Variants in UBR2 observed in about 807,000 individuals in gnomAD.
UBR2 encodes the protein E3 ubiquitin-protein ligase UBR2.
In UBR2, 92 loss-of-function variants were observed where a neutral mutation model predicts 247.9. The observed-to-expected ratio is 0.37, with a 90% confidence interval of 0.31 to 0.44. The LOEUF (loss-of-function observed/expected upper bound fraction) is 0.44. Among genes scored for constraint, UBR2 ranks in the 20% least tolerant of loss-of-function variants. UBR2 has a pLI of 1.00. For missense variants in UBR2, 1,613 were observed against 2,112.6 expected, an observed-to-expected ratio of 0.76 and a Z score of 4.64; for synonymous variants, 672 against 693.5, an observed-to-expected ratio of 0.97 and a Z score of 0.49.
chr6:42,666,266 C>G (rs753680791), intron 34 of UBR2, 21 bp downstream of exon 34: 1 of 1,570,056 alleles, frequency 6.4e-7, no homozygotes, highest in Non-Finnish European at 8.7e-7. Flanking sequence ...TATTTTACTC[C>G]TTTAATATTT....
intron 2 of UBR2, among the ~76,000 whole-genome samples, chr6:42,579,985 G>A (rs1791774933): frequency 6.6e-6 from 1 of 151,866 alleles, no homozygotes. Context: ...TCATAGTAAG[G>A]ACAGGCCATA....
intron 2 of UBR2, among the ~76,000 whole-genome samples, chr6:42,577,938 G>T (rs1402893289): frequency 6.6e-6 from 1 of 151,616 alleles, no homozygotes; most frequent in Non-Finnish European, 1.5e-5. Context: ...GTTTGTATTG[G>T]TATATAATAA....
At position 42,645,601 on chromosome 6, in the gene UBR2, A is replaced by G; in HGVS notation, c.2409+11A>G. On this transcript the variant is annotated intron_variant, in intron 21 of 46. Coordinates refer to ENST00000372901, the MANE Select transcript of UBR2 (RefSeq NM_001363705.2). Reference sequence around the variant, plus strand: ...TCTTTACCTGAAGATGTAAGTACCTACATTTCTAAAAAGAAAACCATAGAA... The same window carrying G: ...TCTTTACCTGAAGATGTAAGTACCTGCATTTCTAAAAAGAAAACCATAGAA... 6.2e-7 allele frequency: 1 copy of G among 1,610,106 alleles called. No homozygotes were observed. Among genetic ancestry groups the G allele is most frequent in the Non-Finnish European group, 8.5e-7 (1 of 1,179,066 alleles).
chr6:42,691,365 C>A lies in UBR2; in HGVS notation c.*192C>A. 1 of 702,652 alleles carries A rather than the reference C, an allele frequency of 1.4e-6. No individual in the cohort carries two copies. The highest frequency in any genetic ancestry group is 2.3e-6 in the Non-Finnish European group (1 of 436,098). 43.5% of individuals were successfully genotyped at this position (702,652 alleles called of 1,614,324 possible). A position where few individuals can be genotyped will look rare whatever the true frequency, so the allele number is the denominator to read the frequency against. On this transcript the variant is annotated 3_prime_UTR_variant, in exon 47 of 47. Transcript: ENST00000372901. ...AGATTTTCTTGCACTGTTTGCTGTG[C>A]CCCTCAAATATAATGTCTTGGGTTT...
At chr6:42,627,886 CT>C (rs1465518492) in intron 11 of UBR2, among the ~76,000 whole-genome samples, 2 of 152,126 alleles carry the variant, frequency 1.3e-5, no homozygotes, top group African/African-American at 4.8e-5. Flanking sequence ...TTAGTTTGGC[CT>C]GCACCCAGGA....
rs777124232 is a variant in UBR2 at position 42,666,167 on chromosome 6, A to G, written c.3803A>G (p.Asn1268Ser). The change falls in exon 34 of 47, where the codon AAT (asparagine) becomes AGT (serine). Residue 1268 changes from asparagine to serine, a missense_variant and splice_region_variant. Asn to Ser is a conservative substitution (Grantham distance 46). Transcript: ENST00000372901. Reference sequence around the variant, plus strand: ...TAGTATAAAATGCCTGTTTCTATAGATAATGCCTCTACAAAGAATTCAGAA... The same window carrying G: ...TAGTATAAAATGCCTGTTTCTATAGGTAATGCCTCTACAAAGAATTCAGAA... ...QFLRKEESTP[N>S]NASTKNSENV... 7.4e-6 allele frequency: 12 copies of G among 1,611,812 alleles called. No homozygotes were observed. In the South Asian group the frequency reaches 1.2e-4, roughly 16 times the overall value.
intron 31 of UBR2, among the ~76,000 whole-genome samples, chr6:42,662,932 C>T (rs940839904): frequency 6.6e-6 from 1 of 151,614 alleles, no homozygotes; most frequent in Non-Finnish European, 1.5e-5. Flanking sequence ...AAGACTCCAT[C>T]TCAAAAACAA....
chr6:42,599,006 T>G (rs2151923255), intron 4 of UBR2, among the ~76,000 whole-genome samples: 1 of 152,288 alleles, frequency 6.6e-6, no homozygotes, highest in African/African-American at 2.4e-5. Flanking sequence ...AGGCTGGTCT[T>G]CAGCTCCTGA....
chr6:42,636,993 A>T lies in UBR2; in HGVS notation c.1675-18A>T. ...ACTCAACCTTTTGAGTAACTTACAG[A>T]AAAACCCTCTTTTTTAGGAAAAAGT... On this transcript the variant is annotated intron_variant, in intron 14 of 46. Transcript: ENST00000372901. The T allele has an allele frequency of 6.3e-7, 1 of 1,599,410 alleles. No individual in the cohort carries two copies. Among genetic ancestry groups the T allele is most frequent in the Non-Finnish European group, 8.5e-7 (1 of 1,171,434 alleles).
intron 4 of UBR2, among the ~76,000 whole-genome samples, chr6:42,596,933 C>T (rs1047022018): frequency 1.3e-5 from 2 of 152,056 alleles, no homozygotes; most frequent in Non-Finnish European, 2.9e-5. Flanking sequence ...AATAAATGTA[C>T]CAAGTACCAC....
At chr6:42,578,106 A>G (rs1232099622) in intron 2 of UBR2, among the ~76,000 whole-genome samples, 1 of 152,218 alleles carries the variant, frequency 6.6e-6, no homozygotes, top group South Asian at 2.1e-4. Flanking sequence ...AGTTGAGATT[A>G]TGCTAAAAAT....
intron 4 of UBR2, among the ~76,000 whole-genome samples, chr6:42,599,021 A>G (rs901947878): frequency 6.6e-6 from 1 of 152,156 alleles, no homozygotes; most frequent in African/African-American, 2.4e-5. Context: ...TCCTGAACTC[A>G]AGCAGAGTCA....
At chr6:42,652,345 T>C (rs1797171898) in intron 24 of UBR2, 146 bp from the exon 25 acceptor site, 3 of 1,029,764 alleles carry the variant, frequency 2.9e-6, no homozygotes, top group Non-Finnish European at 4.2e-6. Flanking sequence ...GCTCTTTTTA[T>C]GCATTTGACC....
intron 13 of UBR2, 53 bp downstream of exon 13, chr6:42,632,957 T>A: frequency 1.2e-4 from 109 of 902,444 alleles, no homozygotes; most frequent in Non-Finnish European, 1.5e-4. Context: ...TTCTCTTTTC[T>A]CTTTTTTTTT....
At chr6:42,603,290 T>G (rs1281054771) in intron 4 of UBR2, among the ~76,000 whole-genome samples, 1 of 152,224 alleles carries the variant, frequency 6.6e-6, no homozygotes, top group African/African-American at 2.4e-5. Context: ...TGATGTTAAG[T>G]TTTTGAGATC....
intron 22 of UBR2, among the ~76,000 whole-genome samples, chr6:42,649,012 T>C (rs973347807): frequency 1.3e-5 from 2 of 152,174 alleles, no homozygotes; most frequent in African/African-American, 2.4e-5. Context: ...CATATAGGCA[T>C]ACTTCATCCT....
intron 36 of UBR2, among the ~76,000 whole-genome samples, chr6:42,673,107 C>T (rs115320433): frequency 6.6e-6 from 1 of 152,140 alleles, no homozygotes; most frequent in African/African-American, 2.4e-5. Context: ...CTACTTAGTC[C>T]TCATAACAAT....
intron 23 of UBR2, 50 bp from the exon 24 acceptor site, chr6:42,651,973 G>C: frequency 6.6e-7 from 1 of 1,515,362 alleles, no homozygotes; most frequent in East Asian, 2.4e-5. Context: ...AACCAGGTGT[G>C]GTGGTGGGCA....
Position 42,585,659 on chromosome 6 carries a change from T to C in UBR2, c.339-6492T>C, listed in dbSNP as rs533164882. 6.6e-5 allele frequency among the ~76,000 whole-genome samples: 10 copies of C among 152,312 alleles called. No individual in the cohort carries two copies. The South Asian group carries it at 2.1e-3, about 32-fold the overall frequency. ...ATTTTATTTCATCTTCTGTCAGTTTTGGCACTATATATTTTTCAAGGAATA... is the reference window on the plus strand; with the variant it reads ...ATTTTATTTCATCTTCTGTCAGTTTCGGCACTATATATTTTTCAAGGAATA... On this transcript the variant is annotated intron_variant, in intron 2 of 46. Transcript: ENST00000372901.
Sources: gnomAD v4.1 joint callset for allele counts (sites outside exome capture counted in the v4.1 genomes callset) on GRCh38, gnomAD v4.1.1 for gene constraint, MANE v1.5 for transcripts, NCBI Gene and HGNC (gene_info 2026-07-23, HGNC 2026-07-21) for gene names.